CRISP1: variants seen among roughly 807,000 people sequenced by gnomAD.
CRISP1 encodes cysteine-rich secretory protein 1.
Under a neutral mutation model 33.1 loss-of-function variants are expected in CRISP1, and 44 were observed. The ratio of observed to expected loss-of-function variants is 1.33; its 90% CI spans 1.05 to 1.71. CRISP1 has a LOEUF of 1.71. Ranked by LOEUF, CRISP1 falls within the 40% of genes most tolerant of loss-of-function variation. The probability of loss-of-function intolerance (pLI) is 0.00; values close to 1 mark genes in which losing one functional copy is unlikely to be tolerated. For missense variants in CRISP1, 390 were observed against 301.2 expected (o/e 1.29, Z -2.18); for synonymous variants, 103 against 98.7 (o/e 1.04, Z -0.26).
chr6:49,843,840 A>G (rs1771072343), intron 5 of CRISP1, among the ~76,000 whole-genome samples: 1 of 152,204 alleles, frequency 6.6e-6, no homozygotes, highest in African/African-American at 2.4e-5. Flanking sequence ...TCTCAGATAT[A>G]AATGAGGGAC....
chr6:49,850,974 T>C (rs1267121052), intron 3 of CRISP1, among the ~76,000 whole-genome samples: 1 of 152,108 alleles, frequency 6.6e-6, no homozygotes, highest in African/African-American at 2.4e-5. Flanking sequence ...TTCAGTGTCA[T>C]AATATGTAAA....
intron 2 of CRISP1, among the ~76,000 whole-genome samples, chr6:49,854,881 A>G (rs567295133): frequency 6.6e-6 from 1 of 152,278 alleles, no homozygotes; most frequent in South Asian, 2.1e-4. Flanking sequence ...AATTCCTGCA[A>G]GGCCCAGAAC....
Position 49,840,918 on chromosome 6 carries a change from G to A in CRISP1, c.513C>T (p.Tyr171=), listed in dbSNP as rs774018250. Reference sequence around the variant, plus strand: ...CATACTCATGACAATAGTGACAAACGTAGAGATATCGAGGTGATCCTTGTT... The same window carrying A: ...CATACTCATGACAATAGTGACAAACATAGAGATATCGAGGTGATCCTTGTT... ...CRQQGSPRYL[Y]VCHYCHEGND... is the part of the protein sequence containing the mutation. Residue 171 remains tyrosine (Y), a synonymous_variant, in exon 6 of 8, where the codon TAC becomes TAT. Transcript: ENST00000335847. 1.7e-5 allele frequency: 28 copies of A among 1,613,300 alleles called. No homozygotes were observed. In the South Asian group the frequency reaches 2.3e-4, roughly 13 times the overall value.
chr6:49,838,550 T>C, intron 6 of CRISP1, 25 bp from the exon 7 acceptor site: 1 of 1,565,396 alleles, frequency 6.4e-7, no homozygotes, highest in Non-Finnish European at 8.8e-7. Flanking sequence ...AGTGATTTCA[T>C]AAAACCCATC....
At chr6:49,855,822 C>T (rs1165306691) in intron 2 of CRISP1, among the ~76,000 whole-genome samples, 2 of 152,060 alleles carry the variant, frequency 1.3e-5, no homozygotes, top group African/African-American at 4.8e-5. Context: ...TTGCTTTCTA[C>T]CTGGAGTCTG....
In CRISP1 at chr6:49,846,762, T is replaced by C. The variant is rs1771188056; in HGVS notation, c.287-94A>G. ...CATTTTTATTTTATGAATGGTTCACTGATCATCTTGACAACATCTTCTGAG... is the reference window on the plus strand; with the variant it reads ...CATTTTTATTTTATGAATGGTTCACCGATCATCTTGACAACATCTTCTGAG... On this transcript the variant is annotated intron_variant, in intron 4 of 7. Coordinates refer to ENST00000335847, the MANE Select transcript of CRISP1 (RefSeq NM_001131.3). 2.5e-6 allele frequency: 3 copies of C among 1,189,692 alleles called. No homozygotes were observed. The Admixed American group carries it at 6.7e-5, about 27-fold the overall frequency. The allele number at this position is 1,189,692 out of a possible 1,614,324, so 73.7% of individuals were successfully genotyped here.
intron 3 of CRISP1, among the ~76,000 whole-genome samples, chr6:49,849,578 A>C (rs1427146662): frequency 6.6e-6 from 1 of 152,166 alleles, no homozygotes; most frequent in Non-Finnish European, 1.5e-5. Flanking sequence ...ATATACATCC[A>C]TTTAAAAGAA....
At chr6:49,860,538 T>C (rs1439641073) in intron 1 of CRISP1, among the ~76,000 whole-genome samples, 3 of 151,938 alleles carry the variant, frequency 2.0e-5, no homozygotes, top group South Asian at 2.1e-4. Context: ...AAGGAAGAAA[T>C]TAAGGAGTAA....
intron 1 of CRISP1, among the ~76,000 whole-genome samples, chr6:49,874,481 G>T (rs1256626015): frequency 1.3e-5 from 2 of 152,078 alleles, no homozygotes; most frequent in Admixed American, 6.6e-5. Flanking sequence ...TCCTCCTGGG[G>T]TAGGGAAAAC....
At chr6:49,835,524 C>G in intron 7 of CRISP1, 81 bp from the exon 8 acceptor site, 2 of 1,383,080 alleles carry the variant, frequency 1.4e-6, no homozygotes, top group Non-Finnish European at 9.7e-7. Flanking sequence ...TTATTAAAGA[C>G]AAAAAGAGAA....
chr6:49,835,450 G>A lies in CRISP1; in HGVS notation c.623-7C>T. Reference sequence around the variant, plus strand: ...TAGTAGATGCAGGGGTTAGCTGAAAGAAAATAGTATGGTTTTACAACACAG... The same window carrying A: ...TAGTAGATGCAGGGGTTAGCTGAAAAAAAATAGTATGGTTTTACAACACAG... On this transcript the variant is annotated splice_region_variant and splice_polypyrimidine_tract_variant and intron_variant, in intron 7 of 7. Transcript: ENST00000335847. The A allele has an allele frequency of 6.2e-7, 1 of 1,612,290 alleles. No homozygotes were observed. The highest frequency in any genetic ancestry group is 1.1e-5 in the South Asian group (1 of 90,766).
At chr6:49,853,583 C>T (rs1436293388) in intron 2 of CRISP1, among the ~76,000 whole-genome samples, 2 of 152,182 alleles carry the variant, frequency 1.3e-5, no homozygotes, top group Non-Finnish European at 2.9e-5. Flanking sequence ...CCTCCCAAAT[C>T]ACCTGGTCAA....
chr6:49,855,162 T>C (rs573211712), intron 2 of CRISP1, among the ~76,000 whole-genome samples: 2 of 152,298 alleles, frequency 1.3e-5, no homozygotes, highest in Admixed American at 6.5e-5. Context: ...CCTGGACTGA[T>C]TGTGGCTACT....
At chr6:49,875,138 C>T (rs745336780) in intron 1 of CRISP1, among the ~76,000 whole-genome samples, 14 of 152,032 alleles carry the variant, frequency 9.2e-5, no homozygotes, top group East Asian at 1.9e-4. Context: ...GCAGATGACA[C>T]GATCCTATAT....
intron 1 of CRISP1, among the ~76,000 whole-genome samples, chr6:49,875,977 A>G (rs13206104): frequency 0.19 from 28,657 of 152,192 alleles, 3,457 homozygotes; most frequent in Non-Finnish European, 0.26. Flanking sequence ...CATTCTAGCC[A>G]TAGGCATGGG....
upstream of CRISP1, among the ~76,000 whole-genome samples, chr6:49,871,365 T>C (rs1349150834): frequency 6.6e-6 from 1 of 152,110 alleles, no homozygotes; most frequent in Non-Finnish European, 1.5e-5. Context: ...TGATGGATGC[T>C]TCTAAAATGG....
At chr6:49,852,703 A>C (rs1368754813) in intron 2 of CRISP1, among the ~76,000 whole-genome samples, 1 of 152,182 alleles carries the variant, frequency 6.6e-6, no homozygotes, top group Non-Finnish European at 1.5e-5. Flanking sequence ...TGAGAGAGTA[A>C]AACATAGAAT....
rs114923716 is a variant in CRISP1, at chr6:49,844,327, C to T, written c.435+2193G>A. ...CAGACCCAAGTGAAGGAAGGCTGTC[C>T]GACTTCTTAGACTCTTCAGAATGAC... On this transcript the variant is annotated intron_variant, in intron 5 of 7. Coordinates refer to ENST00000335847, the MANE Select transcript of CRISP1 (RefSeq NM_001131.3). Among the ~76,000 whole-genome samples, 511 of 152,172 alleles carry T rather than the reference C, an allele frequency of 3.4e-3. 4 individuals carry two copies. The highest frequency in any genetic ancestry group is 0.012 in the African/African-American group (492 of 41,532).
intron 5 of CRISP1, among the ~76,000 whole-genome samples, chr6:49,841,818 G>T (rs1386416393): frequency 6.6e-6 from 1 of 152,086 alleles, no homozygotes; most frequent in Non-Finnish European, 1.5e-5. Context: ...TTTGCTTTAT[G>T]CCTCTGAGTT....
Sources: gnomAD v4.1 joint callset for allele counts (sites outside exome capture counted in the v4.1 genomes callset) on GRCh38, gnomAD v4.1.1 for gene constraint, MANE v1.5 for transcripts, NCBI Gene and HGNC (gene_info 2026-07-23, HGNC 2026-07-21) for gene names.